Variants in FAM228B observed in about 807,000 individuals in gnomAD.
FAM228B encodes the protein protein FAM228B.
Under a neutral mutation model 42.6 loss-of-function variants are expected in FAM228B, and 38 were observed. The ratio of observed to expected loss-of-function variants is 0.89; its 90% CI spans 0.69 to 1.17. The LOEUF (loss-of-function observed/expected upper bound fraction) is 1.17. Among genes scored for constraint, FAM228B ranks in the 50% most tolerant of loss-of-function variants. The pLI, the probability that FAM228B is intolerant of heterozygous loss-of-function variation, is 0.00. For synonymous variants in FAM228B, 109 were observed against 122.3 expected (o/e 0.89, Z 0.72); for missense variants, 344 against 367.3 (o/e 0.94, Z 0.52).
chr2:24,113,090 A>G (rs1340833171), intron 3 of FAM228B, among the ~76,000 whole-genome samples: 1 of 152,042 alleles, frequency 6.6e-6, no homozygotes, highest in Admixed American at 6.6e-5. Context: ...CTTCCCCACT[A>G]AATTGTGAGC....
At chr2:24,105,478 C>A (rs1665683736) in intron 3 of FAM228B, among the ~76,000 whole-genome samples, 1 of 152,178 alleles carries the variant, frequency 6.6e-6, no homozygotes, top group South Asian at 2.1e-4. Context: ...ACAGCAACTT[C>A]AAAGATTGAA....
At chr2:24,097,099 C>T (rs1665511839) in intron 3 of FAM228B, 1 of 152,152 alleles carries the variant, frequency 6.6e-6, no homozygotes, top group African/African-American at 2.4e-5. Context: ...ACCACCAGGC[C>T]TGCCTTACGA....
At chr2:24,127,745 C>A (rs540798413) in intron 2 of FAM228B, among the ~76,000 whole-genome samples, 9 of 152,146 alleles carry the variant, frequency 5.9e-5, no homozygotes, top group Non-Finnish European at 1.2e-4. Context: ...TTACTCCAAC[C>A]TCCGCCTCCC....
intron 2 of FAM228B, among the ~76,000 whole-genome samples, chr2:24,093,630 T>A (rs1034671738): frequency 6.6e-6 from 1 of 152,092 alleles, no homozygotes; most frequent in Non-Finnish European, 1.5e-5. Context: ...ATTTTTTTTT[T>A]TTTGAGACAG....
At chr2:24,122,426 C>T (rs757254052), upstream of FAM228B, 52 of 1,609,688 alleles carry the variant, frequency 3.2e-5, no homozygotes, top group Admixed American at 8.5e-4. Context: ...TACATTGAAA[C>T]CTGGTGATGC....
At chr2:24,157,845 C>T (rs4665665) in intron 7 of FAM228B, among the ~76,000 whole-genome samples, 126,047 of 152,000 alleles carry the variant, frequency 0.83, 54,118 homozygotes, top group Non-Finnish European at 0.93. Flanking sequence ...TCAGATGATT[C>T]GAACACATAC....
chr2:24,129,778 G>T (rs1326046869), intron 2 of FAM228B, among the ~76,000 whole-genome samples: 1 of 151,342 alleles, frequency 6.6e-6, no homozygotes, highest in South Asian at 2.1e-4. Context: ...CTTTTTTTCA[G>T]ATTTTCATGT....
intron 4 of FAM228B, among the ~76,000 whole-genome samples, chr2:24,138,376 C>T (rs1013856038): frequency 6.6e-6 from 1 of 152,056 alleles, no homozygotes; most frequent in African/African-American, 2.4e-5. Context: ...ACTCTTGTCA[C>T]CCAGACTGGA....
In FAM228B at chr2:24,077,649, A is replaced by G. The variant is rs746053005; in HGVS notation, c.-290+680A>G. ...CTCCATGTACTTATGGGCCTCCTGG[A>G]TTTCGGTCACTGGGTAGATTCTGTC... On this transcript the variant is annotated intron_variant, in intron 1 of 10. Coordinates refer to the FAM228B transcript ENST00000613899. This position sits in a 1 kb window ranked among gnomAD's most constrained non-coding sequence, Gnocchi z 5.5. 21 of 1,613,628 alleles carry G rather than the reference A, an allele frequency of 1.3e-5. 1 individual carries two copies. The highest frequency in any genetic ancestry group is 6.7e-5 in the African/African-American group (5 of 74,810).
chr2:24,136,700 C>G (rs778207389), intron 3 of FAM228B, among the ~76,000 whole-genome samples: 2 of 152,150 alleles, frequency 1.3e-5, no homozygotes, highest in Non-Finnish European at 2.9e-5. Flanking sequence ...CAAATGTCTC[C>G]CACTTTGGGA....
chr2:24,164,959 C>T (rs762081359), intron 9 of FAM228B, among the ~76,000 whole-genome samples: 15 of 151,366 alleles, frequency 9.9e-5, no homozygotes, highest in Non-Finnish European at 1.9e-4. Context: ...GAAAGGATCC[C>T]GGGAAAAAAC....
chr2:24,079,699 G>T, intron 1 of FAM228B: 1 of 1,519,074 alleles, frequency 6.6e-7, no homozygotes, highest in South Asian at 1.1e-5. Flanking sequence ...AGATACCATG[G>T]TATATTTGGG....
intron 2 of FAM228B, chr2:24,083,220 C>G: frequency 6.8e-7 from 1 of 1,478,030 alleles, no homozygotes; most frequent in Non-Finnish European, 9.0e-7. Context: ...CCCCTGGCCC[C>G]CCTTCCAAGA....
chr2:24,094,089 G>C (rs1329847216), intron 2 of FAM228B, among the ~76,000 whole-genome samples: 1 of 141,414 alleles, frequency 7.1e-6, no homozygotes, highest in Non-Finnish European at 1.5e-5. Flanking sequence ...ACCCAGGCTG[G>C]AGTGCAGTGG....
intron 5 of FAM228B, among the ~76,000 whole-genome samples, chr2:24,139,788 C>A (rs1666702855): frequency 6.6e-6 from 1 of 151,820 alleles, no homozygotes; most frequent in African/African-American, 2.4e-5. Flanking sequence ...ATTCTATTAC[C>A]CAGAATTAAT....
At chr2:24,152,536 G>GTATTGCCTTTGTGGACTTTGATA (rs1370157092) in intron 7 of FAM228B, among the ~76,000 whole-genome samples, 6 of 152,352 alleles carry the variant, frequency 3.9e-5, no homozygotes, top group Admixed American at 2.0e-4. Flanking sequence ...ACTCATAGAG[G>GTATTGCCTTTGTGGACTTTGATA]TATTGCCTTT....
At chr2:24,091,326 G>A (rs903573518) in intron 2 of FAM228B, among the ~76,000 whole-genome samples, 2 of 152,176 alleles carry the variant, frequency 1.3e-5, no homozygotes, top group Non-Finnish European at 2.9e-5. Context: ...CCAGCTACTT[G>A]GGAGGCTGAG....
intron 2 of FAM228B, 69 bp from the exon 3 acceptor site, chr2:24,135,050 A>G (rs1257413363): frequency 5.1e-6 from 5 of 987,790 alleles, no homozygotes; most frequent in African/African-American, 1.6e-5. Context: ...CATGCTAAAT[A>G]TAATGATTCC....
At chr2:24,126,391 T>C (rs1405580689) in intron 2 of FAM228B, among the ~76,000 whole-genome samples, 1 of 152,230 alleles carries the variant, frequency 6.6e-6, no homozygotes, top group Non-Finnish European at 1.5e-5. Context: ...TTTAAAAAGA[T>C]GTATAGTGAC....
Sources: allele counts gnomAD v4.1 joint callset (sites outside exome capture counted in the v4.1 genomes callset), GRCh38; gene constraint gnomAD v4.1.1; non-coding constraint Gnocchi (gnomAD v3.1); transcripts MANE v1.5; gene names NCBI Gene and HGNC (gene_info 2026-07-23, HGNC 2026-07-21).